Variants in DCDC2C observed in about 807,000 individuals in gnomAD.
The protein encoded by DCDC2C is doublecortin domain containing 2C.
Under a neutral mutation model 45.0 loss-of-function variants are expected in DCDC2C, and 44 were observed. The observed-to-expected ratio is 0.98, with a 90% CI of 0.77 to 1.26. DCDC2C has a LOEUF of 1.26. Ranked by LOEUF, DCDC2C falls within the 50% of genes most tolerant of loss-of-function variation. The pLI is 0.00. For missense variants in DCDC2C, 447 were observed against 468.9 expected (o/e 0.95, Z 0.43); for synonymous variants, 187 against 178.8 (o/e 1.05, Z -0.37).
intron 8 of DCDC2C, among the ~76,000 whole-genome samples, chr2:3,774,147 T>C (rs559685927): frequency 3.3e-5 from 5 of 152,358 alleles, no homozygotes; most frequent in African/African-American, 9.6e-5. Flanking sequence ...AATTGTTTAA[T>C]TGGAAAAAAC....
At chr2:3,779,700 G>C (rs961248917) in intron 9 of DCDC2C, among the ~76,000 whole-genome samples, 2 of 152,178 alleles carry the variant, frequency 1.3e-5, no homozygotes, top group Non-Finnish European at 2.9e-5. Context: ...GATTCATTAA[G>C]TCTGAGAGTT....
intron 3 of DCDC2C, among the ~76,000 whole-genome samples, chr2:3,727,427 T>G (rs1668722200): frequency 6.6e-6 from 1 of 152,200 alleles, no homozygotes; most frequent in Non-Finnish European, 1.5e-5. Context: ...AGCTTTGTTT[T>G]GATTTTTTTT....
At chr2:3,766,619 A>C (rs1375373104) in intron 6 of DCDC2C, among the ~76,000 whole-genome samples, 1 of 152,188 alleles carries the variant, frequency 6.6e-6, no homozygotes, top group Non-Finnish European at 1.5e-5. Context: ...ATTTCCACAA[A>C]GATTGAAAAC....
At position 3,748,042 on chromosome 2, in the gene DCDC2C, T is replaced by G. The variant is rs1047733453; in HGVS notation, c.546-4721T>G. Among the ~76,000 whole-genome samples, 7 of 152,144 alleles carry G rather than the reference T, an allele frequency of 4.6e-5. No homozygotes were observed. The East Asian group carries it at 1.4e-3, about 30-fold the overall frequency. ...GAGGGACCCTCAGGCACACAGCCTT[T>G]GTGGTGGGAAGCCACCGGTGGCAGG... On this transcript the variant is annotated intron_variant, in intron 4 of 10. Transcript: ENST00000399143.
chr2:3,770,866 C>T (rs1047301306), intron 8 of DCDC2C, among the ~76,000 whole-genome samples: 5 of 152,292 alleles, frequency 3.3e-5, no homozygotes, highest in East Asian at 3.9e-4. Flanking sequence ...TCGGTTATCC[C>T]GCACTAATGT....
intron 2 of DCDC2C, among the ~76,000 whole-genome samples, chr2:3,713,207 G>A (rs1206184009): frequency 2.6e-5 from 4 of 152,154 alleles, no homozygotes; most frequent in African/African-American, 7.2e-5. Context: ...ATTCAAAGAC[G>A]TCATCGTAGG....
intron 2 of DCDC2C, 105 bp from the exon 3 acceptor site, chr2:3,726,898 T>C (rs1440603927): frequency 3.0e-6 from 3 of 1,010,282 alleles, no homozygotes; most frequent in Non-Finnish European, 4.5e-6. Flanking sequence ...ACAAAGGGGT[T>C]CCCCCCCTTT....
rs1450808525 is a variant in DCDC2C, at chr2:3,738,539, GGAAAAAAAAAAAAAAAAA to G, written c.417-3380_417-3363del. ...TACATTTTTTCTGCTGGTCTATCTG[GGAAAAAAAAAAAAAAAAA>G]AAAAAAAAAAAAAGCCTCCCAGCTT... On this transcript the variant is annotated intron_variant, in intron 3 of 10. Coordinates refer to ENST00000399143, the MANE Select transcript of DCDC2C (RefSeq NM_001287444.2). 2.2e-3 allele frequency among the ~76,000 whole-genome samples: 121 copies of G among 55,260 alleles called. 1 individual carries two copies. Among genetic ancestry groups the G allele is most frequent in the African/African-American group, 8.3e-3 (116 of 14,012 alleles). 36.3% of individuals were successfully genotyped at this position (55,260 alleles called of 152,430 possible). A position where few individuals can be genotyped will look rare whatever the true frequency, so the allele number is the denominator to read the frequency against.
In DCDC2C at chr2:3,731,919, C is replaced by G. The variant is rs114203469; in HGVS notation, c.416+4840C>G. Among the ~76,000 whole-genome samples, 330 of 152,184 alleles carry G rather than the reference C, an allele frequency of 2.2e-3. 2 individuals carry two copies. The highest frequency in any genetic ancestry group is 7.7e-3 in the African/African-American group (321 of 41,506). On this transcript the variant is annotated intron_variant, in intron 3 of 10. Transcript: ENST00000399143. ...GTTGTGTGTATGGGATGTTTCCTGT[C>G]AGGACCATATGTATGAGTATGATGA...
chr2:3,807,787 G>A (rs183742114), intron 10 of DCDC2C, among the ~76,000 whole-genome samples: 1 of 151,840 alleles, frequency 6.6e-6, no homozygotes, highest in Admixed American at 6.6e-5. Context: ...TCTGTCCCCT[G>A]GTTTTACCCT....
chr2:3,756,655 C>T (rs957520826), intron 6 of DCDC2C, among the ~76,000 whole-genome samples: 2 of 152,184 alleles, frequency 1.3e-5, no homozygotes, highest in Non-Finnish European at 1.5e-5. Flanking sequence ...GTCTTCATGC[C>T]GAGTTCACGG....
intron 10 of DCDC2C, among the ~76,000 whole-genome samples, chr2:3,792,883 AG>A (rs1670856698): frequency 6.6e-6 from 1 of 152,224 alleles, no homozygotes; most frequent in African/African-American, 2.4e-5. Context: ...GAGATTGTTC[AG>A]GGGCCTTTTT....
intron 10 of DCDC2C, among the ~76,000 whole-genome samples, chr2:3,789,349 A>T (rs898541540): frequency 6.6e-6 from 1 of 152,140 alleles, no homozygotes; most frequent in African/African-American, 2.4e-5. Context: ...CTCTTGAAGA[A>T]ATGCCTTACA....
intron 10 of DCDC2C, among the ~76,000 whole-genome samples, chr2:3,800,504 C>T (rs902222758): frequency 6.6e-6 from 1 of 152,152 alleles, no homozygotes; most frequent in East Asian, 1.9e-4. Context: ...CTGCCAGCCC[C>T]CCAAGAATTA....
intron 6 of DCDC2C, among the ~76,000 whole-genome samples, chr2:3,756,211 C>T (rs1187288332): frequency 6.6e-6 from 1 of 152,136 alleles, no homozygotes; most frequent in Non-Finnish European, 1.5e-5. Flanking sequence ...GCTTACCAGT[C>T]CTTGTAACTG....
At chr2:3,725,694 C>T (rs1008740716) in intron 2 of DCDC2C, among the ~76,000 whole-genome samples, 2 of 149,902 alleles carry the variant, frequency 1.3e-5, no homozygotes, top group Non-Finnish European at 3.0e-5. Flanking sequence ...CCAGGTGGAT[C>T]CCAGAGGGAG....
intron 4 of DCDC2C, among the ~76,000 whole-genome samples, chr2:3,751,108 C>G (rs987646520): frequency 3.3e-5 from 5 of 152,224 alleles, no homozygotes; most frequent in Admixed American, 3.3e-4. Context: ...TATCTGCCAT[C>G]TCTTTGATGG....
intron 10 of DCDC2C, among the ~76,000 whole-genome samples, chr2:3,809,341 A>C (rs757401437): frequency 1.3e-5 from 2 of 152,200 alleles, no homozygotes; most frequent in Non-Finnish European, 2.9e-5. Flanking sequence ...CTACATGCTA[A>C]TGATATTGGG....
Position 3,742,040 on chromosome 2 carries a change from C to T in DCDC2C, c.537C>T (p.Gly179=), listed in dbSNP as rs773988426. The T allele has an allele frequency of 1.4e-5, 21 of 1,540,304 alleles. No homozygotes were observed. The highest frequency in any genetic ancestry group is 3.7e-5 in the South Asian group (3 of 81,088). Residue 179 remains glycine, a synonymous_variant, in exon 4 of 11, where the codon GGC becomes GGT. Coordinates refer to ENST00000399143, the MANE Select transcript of DCDC2C (RefSeq NM_001287444.2). ...TIGEKVFPLG[G]VRKLFTMNGH... ...GAGAAAAAGTCTTCCCTCTAGGAGG[C>T]GTTCGGAAGTAAGGAGACTCTCGCC...
Sources: allele counts gnomAD v4.1 joint callset (sites outside exome capture counted in the v4.1 genomes callset), GRCh38; gene constraint gnomAD v4.1.1; transcripts MANE v1.5; gene names NCBI Gene and HGNC (gene_info 2026-07-23, HGNC 2026-07-21).